MYO16: variants seen among roughly 807,000 people sequenced by gnomAD.
MYO16 encodes unconventional myosin-XVI.
MYO16 carries 94 observed loss-of-function variants against 205.3 expected under a neutral mutation model. That is an observed-to-expected ratio of 0.46 (90% confidence interval 0.39 to 0.54). MYO16 has a LOEUF of 0.54. Ranked by LOEUF, MYO16 falls within the 20% of genes least tolerant of loss-of-function variation. The pLI, the probability that MYO16 is intolerant of heterozygous loss-of-function variation, is 0.00. For missense variants in MYO16, 2,315 were observed against 2,387.5 expected (o/e 0.97, Z 0.63); for synonymous variants, 988 against 954.0 (o/e 1.04, Z -0.66).
At chr13:108,511,300 G>A in the MYO16 span, among the ~76,000 whole-genome samples, 49 of 128,624 alleles carry the variant, frequency 3.8e-4, 1 homozygote, top group South Asian at 2.2e-3. Context: ...CATGTCCTTC[G>A]CCCACTTTTT....
upstream of MYO16, among the ~76,000 whole-genome samples, chr13:108,626,856 T>C (rs909748719): frequency 6.1e-5 from 9 of 147,252 alleles, no homozygotes; most frequent in Admixed American, 6.2e-4. Context: ...TATATATATA[T>C]ATGTATATTA....
At chr13:108,564,761 A>C in the MYO16 span, among the ~76,000 whole-genome samples, 3 of 151,976 alleles carry the variant, frequency 2.0e-5, no homozygotes, top group East Asian at 3.9e-4. Context: ...CCAGTGTTTT[A>C]TTTTGGTAGT....
At chr13:108,703,139 A>AT (rs35318981) in intron 2 of MYO16, among the ~76,000 whole-genome samples, 117,178 of 151,870 alleles carry the variant, frequency 0.77, 45,385 homozygotes, top group East Asian at 0.98. Flanking sequence ...GATTAGCAGA[A>AT]TGATTAAAAA....
Position 108,828,623 on chromosome 13 carries a change from G to A in MYO16, c.1097+5345G>A, listed in dbSNP as rs556461746. Among the ~76,000 whole-genome samples, 235 of 152,224 alleles carry A rather than the reference G, an allele frequency of 1.5e-3. 1 individual carries two copies. Among genetic ancestry groups the A allele is most frequent in the Non-Finnish European group, 2.5e-3 (168 of 68,008 alleles). ...CTACCAGGTGAGATGACGCAGGGTA[G>A]GGGCCTAGTCATGCCAGAAAAACCA... On this transcript the variant is annotated intron_variant, in intron 9 of 34. Transcript: ENST00000457511.
At chr13:109,189,555 C>T (rs779740986) in intron 34 of MYO16, among the ~76,000 whole-genome samples, 6 of 152,134 alleles carry the variant, frequency 3.9e-5, no homozygotes, top group Non-Finnish European at 7.4e-5. Flanking sequence ...CCTGGTCAAC[C>T]GTCTTGGTCC....
chr13:108,759,257 A>G (rs78162289), intron 4 of MYO16, among the ~76,000 whole-genome samples: 3 of 152,212 alleles, frequency 2.0e-5, no homozygotes, highest in East Asian at 1.9e-4. Flanking sequence ...ATGGAATTCT[A>G]TGTTGAAGTG....
intron 20 of MYO16, among the ~76,000 whole-genome samples, chr13:108,965,494 C>A (rs1202334898): frequency 1.3e-5 from 2 of 152,178 alleles, no homozygotes; most frequent in African/African-American, 2.4e-5. Context: ...GCAACCTCTG[C>A]CTCCCGGGTT....
chr13:108,501,648 A>G, the MYO16 span, among the ~76,000 whole-genome samples: 1 of 152,222 alleles, frequency 6.6e-6, no homozygotes, highest in African/African-American at 2.4e-5. Flanking sequence ...TGGAAACAAG[A>G]AGCCACCACC....
chr13:109,014,655 T>C (rs2139498727), intron 22 of MYO16, among the ~76,000 whole-genome samples: 1 of 152,346 alleles, frequency 6.6e-6, no homozygotes, highest in Admixed American at 6.5e-5. Flanking sequence ...AGCAGTGGTT[T>C]GTAGTTCTCC....
At chr13:108,763,302 T>C (rs1885670400) in intron 4 of MYO16, among the ~76,000 whole-genome samples, 13 of 152,190 alleles carry the variant, frequency 8.5e-5, no homozygotes, top group Admixed American at 8.5e-4. Flanking sequence ...ATGCATAAAA[T>C]CTTAGCTTTC....
chr13:108,971,209 T>TA (rs1229322314), intron 20 of MYO16, among the ~76,000 whole-genome samples: 1 of 152,068 alleles, frequency 6.6e-6, no homozygotes, highest in Non-Finnish European at 1.5e-5. Context: ...GAATCCTTCT[T>TA]CAGGGTTTTG....
chr13:108,759,657 T>TA (rs1885534823), intron 4 of MYO16, among the ~76,000 whole-genome samples: 1 of 151,794 alleles, frequency 6.6e-6, no homozygotes, highest in African/African-American at 2.4e-5. Flanking sequence ...CCGTCTCTAC[T>TA]AAAAATACAA....
intron 27 of MYO16, among the ~76,000 whole-genome samples, chr13:109,090,352 T>C (rs922735076): frequency 6.6e-6 from 1 of 152,172 alleles, no homozygotes; most frequent in Non-Finnish European, 1.5e-5. Context: ...CTTTCCATCT[T>C]TCTTGTAAAT....
intron 34 of MYO16, among the ~76,000 whole-genome samples, chr13:109,197,689 T>G (rs1880216851): frequency 6.6e-6 from 1 of 152,178 alleles, no homozygotes; most frequent in Non-Finnish European, 1.5e-5. Context: ...CCCTTGACCC[T>G]TAAAGTTTCT....
At chr13:108,870,896 A>C (rs1217905486) in intron 12 of MYO16, among the ~76,000 whole-genome samples, 1 of 152,050 alleles carries the variant, frequency 6.6e-6, no homozygotes, top group Non-Finnish European at 1.5e-5. Flanking sequence ...GCTTTACTGA[A>C]TTCTACATGT....
intron 23 of MYO16, among the ~76,000 whole-genome samples, chr13:109,029,384 A>C (rs1042485580): frequency 3.3e-5 from 5 of 151,864 alleles, no homozygotes; most frequent in South Asian, 2.1e-4. Context: ...TTTTTATATA[A>C]CATGCTTGCG....
chr13:108,614,568 A>G (rs1454896171), intron 1 of MYO16, among the ~76,000 whole-genome samples: 1 of 152,118 alleles, frequency 6.6e-6, no homozygotes, highest in Non-Finnish European at 1.5e-5. Flanking sequence ...CCCAATTACA[A>G]AATTACTACA....
chr13:108,842,463 C>A (rs1049125556), intron 9 of MYO16, among the ~76,000 whole-genome samples: 3 of 151,934 alleles, frequency 2.0e-5, no homozygotes, highest in African/African-American at 7.2e-5. Flanking sequence ...CCTGAACAGA[C>A]ATTTTTCCAA....
chr13:108,634,067 C>A (rs1880109963), intron 1 of MYO16, among the ~76,000 whole-genome samples: 1 of 152,136 alleles, frequency 6.6e-6, no homozygotes, highest in Non-Finnish European at 1.5e-5. Flanking sequence ...CTGGATGACC[C>A]TTGAAGGAGG....
Sources: gnomAD v4.1 joint callset for allele counts (sites outside exome capture counted in the v4.1 genomes callset) on GRCh38, gnomAD v4.1.1 for gene constraint, MANE v1.5 for transcripts, NCBI Gene and HGNC (gene_info 2026-07-23, HGNC 2026-07-21) for gene names.